Variants in NXPE2 observed in about 807,000 individuals in gnomAD.
The protein encoded by NXPE2 is neurexophilin and PC-esterase domain family member 2.
NXPE2 carries 34 observed loss-of-function variants against 34.4 expected under a neutral mutation model. The observed-to-expected ratio is 0.99, with a 90% confidence interval of 0.75 to 1.31. NXPE2 has a LOEUF of 1.31. Ranked by LOEUF, NXPE2 falls within the 40% of genes most tolerant of loss-of-function variation. The probability of loss-of-function intolerance (pLI) is 0.00; values close to 1 mark genes in which losing one functional copy is unlikely to be tolerated. For synonymous variants in NXPE2, 235 were observed against 231.3 expected, an observed-to-expected ratio of 1.02 and a Z score of -0.15; for missense variants, 649 against 672.5, an observed-to-expected ratio of 0.97 and a Z score of 0.39.
the NXPE2 span, among the ~76,000 whole-genome samples, chr11:114,519,151 A>G: frequency 3.2e-3 from 490 of 152,358 alleles, 2 homozygotes; most frequent in Middle Eastern, 6.8e-3. Context: ...TTATATGACA[A>G]ATGTTAAATT....
chr11:114,802,094 C>CCAAGATTT, the NXPE2 span, among the ~76,000 whole-genome samples: 3 of 152,052 alleles, frequency 2.0e-5, no homozygotes, highest in Non-Finnish European at 4.4e-5. Flanking sequence ...CTTGGGGATG[C>CCAAGATTT]CAAGATTTAA....
chr11:114,528,684 C>T, the NXPE2 span: 2 of 464,402 alleles, frequency 4.3e-6, no homozygotes, highest in Non-Finnish European at 7.8e-6. Context: ...AAAGCTCTTA[C>T]TCACACTTTG....
chr11:114,464,758 A>T, the NXPE2 span, among the ~76,000 whole-genome samples: 5 of 152,194 alleles, frequency 3.3e-5, 1 homozygote, highest in Non-Finnish European at 5.9e-5. Context: ...TAAATCTACC[A>T]TAAAGACACA....
At chr11:114,570,397 A>T in the NXPE2 span, among the ~76,000 whole-genome samples, 3 of 152,174 alleles carry the variant, frequency 2.0e-5, no homozygotes, top group Non-Finnish European at 4.4e-5. Flanking sequence ...TGGATGAAAA[A>T]TACTATAGAA....
chr11:114,563,615 G>C, the NXPE2 span, among the ~76,000 whole-genome samples: 1 of 151,816 alleles, frequency 6.6e-6, no homozygotes, highest in Non-Finnish European at 1.5e-5. Context: ...GAACTCAAAC[G>C]AATCAGCAAG....
chr11:114,521,085 G>A, the NXPE2 span, among the ~76,000 whole-genome samples: 24,672 of 152,030 alleles, frequency 0.16, 2,242 homozygotes, highest in South Asian at 0.23. Flanking sequence ...TAATTCTGTC[G>A]TTCTTTCTGT....
the NXPE2 span, among the ~76,000 whole-genome samples, chr11:114,608,073 C>T: frequency 6.6e-6 from 1 of 151,810 alleles, no homozygotes; most frequent in Non-Finnish European, 1.5e-5. Flanking sequence ...ACCACTGTTA[C>T]CCTGTGTCTA....
At chr11:114,545,034 G>A in the NXPE2 span, among the ~76,000 whole-genome samples, 15 of 152,054 alleles carry the variant, frequency 9.9e-5, no homozygotes, top group African/African-American at 2.9e-4. Flanking sequence ...CAATTAGAAT[G>A]GCTAAAATTT....
chr11:114,657,124 T>G, the NXPE2 span, among the ~76,000 whole-genome samples: 1 of 152,062 alleles, frequency 6.6e-6, no homozygotes, highest in Non-Finnish European at 1.5e-5. Flanking sequence ...CAAATTACTT[T>G]TAGTTCCGGA....
the NXPE2 span, among the ~76,000 whole-genome samples, chr11:114,779,455 G>A: frequency 6.6e-6 from 1 of 152,180 alleles, no homozygotes; most frequent in Admixed American, 6.5e-5. Context: ...TGGGAATGGG[G>A]TAGTGGGTGC....
the NXPE2 span, among the ~76,000 whole-genome samples, chr11:114,662,933 A>G: frequency 2.0e-5 from 3 of 152,136 alleles, no homozygotes; most frequent in Non-Finnish European, 2.9e-5. Context: ...GGGTGAGCCT[A>G]TGAGGCTTGC....
chr11:114,743,452 T>C, the NXPE2 span, among the ~76,000 whole-genome samples: 1 of 151,938 alleles, frequency 6.6e-6, no homozygotes, highest in Non-Finnish European at 1.5e-5. Flanking sequence ...TCAAGCAAAC[T>C]GGTGAGGTAA....
At chr11:114,516,522 A>T in the NXPE2 span, among the ~76,000 whole-genome samples, 1 of 152,198 alleles carries the variant, frequency 6.6e-6, no homozygotes, top group African/African-American at 2.4e-5. Context: ...GACCTGGGAT[A>T]GATTGAATTC....
chr11:114,545,041 AT>A, the NXPE2 span, among the ~76,000 whole-genome samples: 1 of 152,190 alleles, frequency 6.6e-6, no homozygotes, highest in Non-Finnish European at 1.5e-5. Flanking sequence ...AATGGCTAAA[AT>A]TTAAAAAAAA....
At chr11:114,669,381 A>C in the NXPE2 span, among the ~76,000 whole-genome samples, 1 of 152,068 alleles carries the variant, frequency 6.6e-6, no homozygotes. Flanking sequence ...TGGCAGGTGC[A>C]ATCAAGAAGA....
chr11:114,469,928 A>G, the NXPE2 span, among the ~76,000 whole-genome samples: 1 of 152,126 alleles, frequency 6.6e-6, no homozygotes, highest in Non-Finnish European at 1.5e-5. Context: ...AGAGTTTTAT[A>G]TAAGTGAAAT....
chr11:114,776,299 C>T, the NXPE2 span, among the ~76,000 whole-genome samples: 6 of 152,256 alleles, frequency 3.9e-5, no homozygotes, highest in Non-Finnish European at 8.8e-5. Flanking sequence ...TATTTAACAG[C>T]ACTTGTCATC....
chr11:114,613,468 A>G, the NXPE2 span, among the ~76,000 whole-genome samples: 1 of 151,932 alleles, frequency 6.6e-6, no homozygotes, highest in South Asian at 2.1e-4. Flanking sequence ...CTGCTGCATA[A>G]TAAGTATTGC....
At chr11:114,634,279 T>A in the NXPE2 span, among the ~76,000 whole-genome samples, 5 of 152,092 alleles carry the variant, frequency 3.3e-5, 1 homozygote, top group Non-Finnish European at 7.3e-5. Context: ...AAGTGTCTGT[T>A]CATGTCCTTT....
Sources: allele counts gnomAD v4.1 joint callset (sites outside exome capture counted in the v4.1 genomes callset), GRCh38; gene constraint gnomAD v4.1.1; transcripts MANE v1.5; gene names NCBI Gene and HGNC (gene_info 2026-07-23, HGNC 2026-07-21).